SLC1A1: variants seen among roughly 807,000 people sequenced by gnomAD.
SLC1A1 encodes the protein solute carrier family 1 member 1.
SLC1A1 carries 43 observed loss-of-function variants against 53.3 expected under a neutral mutation model. The observed-to-expected ratio is 0.81, with a 90% CI of 0.63 to 1.04. The LOEUF (loss-of-function observed/expected upper bound fraction) is 1.04. Ranked by LOEUF, SLC1A1 falls within the 50% of genes least tolerant of loss-of-function variation. SLC1A1 has a pLI of 0.00. For synonymous variants in SLC1A1, 307 were observed against 243.2 expected (o/e 1.26, Z -2.44); for missense variants, 748 against 664.9 (o/e 1.12, Z -1.37).
At chr9:4,552,547 G>C (rs532455828) in intron 2 of SLC1A1, among the ~76,000 whole-genome samples, 1 of 152,078 alleles carries the variant, frequency 6.6e-6, no homozygotes, top group African/African-American at 2.4e-5. Flanking sequence ...TTGCCAAGGG[G>C]ACTGGACTTG....
chr9:4,545,149 G>C (rs1277509617), intron 2 of SLC1A1, among the ~76,000 whole-genome samples: 3 of 146,420 alleles, frequency 2.0e-5, no homozygotes, highest in African/African-American at 5.1e-5. Flanking sequence ...CACCTAAGTT[G>C]TTCTTTTCTA....
chr9:4,508,129 C>G (rs145724673), intron 1 of SLC1A1, among the ~76,000 whole-genome samples: 2 of 151,256 alleles, frequency 1.3e-5, no homozygotes, highest in African/African-American at 4.9e-5. Context: ...GGAACGTGAC[C>G]GTGGGATAGA....
Position 4,585,931 on chromosome 9 carries a change from T to C in SLC1A1, c.*373T>C. On this transcript the variant is annotated 3_prime_UTR_variant, in exon 12 of 12. Transcript: ENST00000262352. ...GGTTTTTAAAAAAAATATTCTGTCA[T>C]TGGTTACAAATTTTTACTCAGGCTT... 1 of 194,214 alleles carries C rather than the reference T, an allele frequency of 5.1e-6. No homozygotes were observed. Among genetic ancestry groups the C allele is most frequent in the East Asian group, 1.4e-4 (1 of 7,316 alleles). The allele number at this position is 194,214 out of a possible 1,614,324, so 12.0% of individuals were successfully genotyped here.
intron 2 of SLC1A1, among the ~76,000 whole-genome samples, chr9:4,552,204 A>G (rs1300905046): frequency 6.6e-6 from 1 of 152,154 alleles, no homozygotes; most frequent in Non-Finnish European, 1.5e-5. Flanking sequence ...TTATTTATTC[A>G]TTCTATCTTT....
chr9:4,526,532 G>T (rs1258169156), intron 1 of SLC1A1, among the ~76,000 whole-genome samples: 1 of 152,084 alleles, frequency 6.6e-6, no homozygotes, highest in African/African-American at 2.4e-5. Flanking sequence ...GAATTGGGGA[G>T]GATGCAATGG....
At position 4,573,982 on chromosome 9, in the gene SLC1A1, G is replaced by A. The variant is rs767786270; in HGVS notation, c.843G>A (p.Lys281=). The change falls in exon 8 of 12, where the codon AAG becomes AAA. Residue 281 remains lysine, a synonymous_variant. Transcript: ENST00000262352. ...IEVEDWEIFR[K]LGLYMATVLT... is the part of the protein sequence containing the mutation. ...TTGAAGACTGGGAAATATTCCGCAA[G>A]CTGGGCCTTTACATGGCCACAGTCC... The A allele has an allele frequency of 1.2e-6, 2 of 1,613,856 alleles. No homozygotes were observed. Among genetic ancestry groups the A allele is most frequent in the Admixed American group, 1.7e-5 (1 of 60,024 alleles).
At chr9:4,518,309 G>A (rs749356464) in intron 1 of SLC1A1, among the ~76,000 whole-genome samples, 2 of 150,212 alleles carry the variant, frequency 1.3e-5, no homozygotes, top group Non-Finnish European at 3.0e-5. Context: ...GACCAAGGAG[G>A]TGTTACTTCC....
chr9:4,526,401 G>C (rs1458856454), intron 1 of SLC1A1, among the ~76,000 whole-genome samples: 1 of 152,128 alleles, frequency 6.6e-6, no homozygotes, highest in Non-Finnish European at 1.5e-5. Flanking sequence ...AATACATCCA[G>C]ACTGATACCA....
chr9:4,545,602 G>C (rs936459382), intron 2 of SLC1A1, among the ~76,000 whole-genome samples: 1 of 152,230 alleles, frequency 6.6e-6, no homozygotes, highest in African/African-American at 2.4e-5. Flanking sequence ...CTCAAAGCCA[G>C]AACTTGCTAT....
chr9:4,526,318 G>A (rs986255766), intron 1 of SLC1A1, among the ~76,000 whole-genome samples: 1 of 152,176 alleles, frequency 6.6e-6, no homozygotes, highest in Admixed American at 6.5e-5. Context: ...CACTTTGAAT[G>A]AACTGGATCT....
At position 4,490,601 on chromosome 9, in the gene SLC1A1, C is replaced by A; in HGVS notation, c.-79C>A. 2 of 1,189,820 alleles carry A rather than the reference C, an allele frequency of 1.7e-6. No individual in the cohort carries two copies. The highest frequency in any genetic ancestry group is 2.3e-4 in the Middle Eastern group (1 of 4,306). 73.7% of individuals were successfully genotyped at this position (1,189,820 alleles called of 1,614,324 possible). A position where few individuals can be genotyped will look rare whatever the true frequency, so the allele number is the denominator to read the frequency against. On this transcript the variant is annotated 5_prime_UTR_variant, in exon 1 of 12. Coordinates refer to ENST00000262352, the MANE Select transcript of SLC1A1 (RefSeq NM_004170.6). ...CCTGTGCACCCGCATCTCGCCGCGCCGCCGAGCAGCCAGCAGTCCCCGGGT... is the reference window on the plus strand; with the variant it reads ...CCTGTGCACCCGCATCTCGCCGCGCAGCCGAGCAGCCAGCAGTCCCCGGGT...
At chr9:4,505,049 T>C (rs983113284) in intron 1 of SLC1A1, among the ~76,000 whole-genome samples, 7 of 138,794 alleles carry the variant, frequency 5.0e-5, no homozygotes, top group Middle Eastern at 3.6e-3. Flanking sequence ...ATATTTCTTT[T>C]TTTTTTTTTT....
rs751159367 is a variant in SLC1A1, at chr9:4,544,544, T to C, written c.92-23T>C. 3.1e-6 allele frequency: 5 copies of C among 1,611,338 alleles called. No individual in the cohort carries two copies. In the Admixed American group the frequency reaches 8.3e-5, roughly 27 times the overall value. On this transcript the variant is annotated intron_variant, in intron 1 of 11. Transcript: ENST00000262352. ...AACTCAATAATGTTCCTCTTCCTTCTTTCCAACTCTTGTTTTCCTTAGGCA... is the reference window on the plus strand; with the variant it reads ...AACTCAATAATGTTCCTCTTCCTTCCTTCCAACTCTTGTTTTCCTTAGGCA...
intron 1 of SLC1A1, among the ~76,000 whole-genome samples, chr9:4,524,401 G>A (rs900355067): frequency 3.3e-5 from 5 of 152,150 alleles, no homozygotes; most frequent in African/African-American, 4.8e-5. Context: ...CCAGACCAAT[G>A]CAGAGCCAAA....
At chr9:4,522,473 G>A (rs964995823) in intron 1 of SLC1A1, among the ~76,000 whole-genome samples, 8 of 152,270 alleles carry the variant, frequency 5.3e-5, no homozygotes, top group South Asian at 2.1e-4. Context: ...CCTAATGTCC[G>A]TGTGAGTCAG....
chr9:4,566,628 C>A lies in SLC1A1; in HGVS notation c.483+539C>A, dbSNP rs373799836. Among the ~76,000 whole-genome samples the A allele has an allele frequency of 5.9e-5, 9 of 152,072 alleles. No homozygotes were observed. In the East Asian group the frequency reaches 1.4e-3, roughly 23 times the overall value. On this transcript the variant is annotated intron_variant, in intron 5 of 11. Coordinates refer to ENST00000262352, the MANE Select transcript of SLC1A1 (RefSeq NM_004170.6). ...TTTGGGAGGCCAAGGTGGGCAGATC[C>A]CTTGAGCTCAGGAGTTCCAGACTAG... is the stretch of plus-strand genomic sequence containing the variant.
At chr9:4,490,925 C>G (rs906772397) in intron 1 of SLC1A1, among the ~76,000 whole-genome samples, 155 bp downstream of exon 1, 1 of 152,178 alleles carries the variant, frequency 6.6e-6, no homozygotes, top group Non-Finnish European at 1.5e-5. Context: ...CGGGGGCTTT[C>G]CCCCAAGCGC....
Position 4,490,798 on chromosome 9 carries a change from G to A in SLC1A1, c.91+28G>A, listed in dbSNP as rs779955574. ...GAGCGGCGCGGCGGGTGGGCGATGC[G>A]CGCACCCTCACGCGCTCTCTGCGCC... On this transcript the variant is annotated intron_variant, in intron 1 of 11. Transcript: ENST00000262352. 15 of 1,582,784 alleles carry A rather than the reference G, an allele frequency of 9.5e-6. No individual in the cohort carries two copies. In the East Asian group the frequency reaches 1.6e-4, roughly 17 times the overall value.
chr9:4,525,055 G>A (rs1335816217), intron 1 of SLC1A1, among the ~76,000 whole-genome samples: 1 of 152,118 alleles, frequency 6.6e-6, no homozygotes, highest in Non-Finnish European at 1.5e-5. Context: ...TTTAATAATG[G>A]GAGATAGGGG....
Sources: allele counts gnomAD v4.1 joint callset (sites outside exome capture counted in the v4.1 genomes callset), GRCh38; gene constraint gnomAD v4.1.1; transcripts MANE v1.5; gene names NCBI Gene and HGNC (gene_info 2026-07-23, HGNC 2026-07-21).